Variants in GPRC5A observed in about 807,000 individuals in gnomAD.
GPRC5A encodes the protein retinoic acid-induced protein 3.
A neutral mutation model predicts 22.5 loss-of-function variants in GPRC5A; 19 were observed. The ratio of observed to expected loss-of-function variants is 0.85; its 90% CI spans 0.59 to 1.24. The LOEUF is 1.24. Among genes scored for constraint, GPRC5A ranks in the 50% most tolerant of loss-of-function variants. GPRC5A has a pLI of 0.00. For missense variants in GPRC5A, 471 were observed against 451.1 expected, an observed-to-expected ratio of 1.04 and a Z score of -0.40; for synonymous variants, 192 against 184.5, an observed-to-expected ratio of 1.04 and a Z score of -0.33.
intron 1 of GPRC5A, among the ~76,000 whole-genome samples, chr12:12,900,911 A>AC (rs1863879121): frequency 8.2e-6 from 1 of 121,772 alleles, no homozygotes; most frequent in African/African-American, 4.0e-5. Flanking sequence ...AAAAAAAAAA[A>AC]AACAAAAAAA....
Position 12,913,488 on chromosome 12 carries a change from C to G in GPRC5A, c.*949C>G, listed in dbSNP as rs1166355340. The G allele has an allele frequency of 6.6e-6, 1 of 152,248 alleles. No homozygotes were observed. Among genetic ancestry groups the G allele is most frequent in the Admixed American group, 6.5e-5 (1 of 15,282 alleles). The allele number at this position is 152,248 out of a possible 1,614,324, so 9.4% of individuals were successfully genotyped here. A position where few individuals can be genotyped will look rare whatever the true frequency, so the allele number is the denominator to read the frequency against. The stretch of plus-strand genomic sequence containing the variant: ...TCACTTCAAATTCCTGGGGCTGATA[C>G]TTCTCTCATCTTGCACCCCAACCTC... On this transcript the variant is annotated 3_prime_UTR_variant, in exon 4 of 4. Coordinates refer to ENST00000014914, the MANE Select transcript of GPRC5A (RefSeq NM_003979.4).
rs1023265198 is a variant in GPRC5A at position 12,912,765 on chromosome 12, T to G, written c.*226T>G. 2.0e-6 allele frequency: 1 copy of G among 494,268 alleles called. No individual in the cohort carries two copies. Among genetic ancestry groups the G allele is most frequent in the South Asian group, 3.6e-5 (1 of 28,076 alleles). 30.6% of individuals were successfully genotyped at this position (494,268 alleles called of 1,614,324 possible). A position where few individuals can be genotyped will look rare whatever the true frequency, so the allele number is the denominator to read the frequency against. ...GTAGTATTTTTTTTTTTTTGTCTCA[T>G]CCTTTGGATACTTCTTTTAAGTGGG... On this transcript the variant is annotated 3_prime_UTR_variant, in exon 4 of 4. Transcript: ENST00000014914.
chr12:12,892,620 G>A lies in GPRC5A; in HGVS notation c.-8+956G>A, dbSNP rs192890618. 5.4e-3 allele frequency among the ~76,000 whole-genome samples: 824 copies of A among 152,270 alleles called. 4 individuals are homozygous for A. Among genetic ancestry groups the A allele is most frequent in the Admixed American group, 0.012 (178 of 15,292 alleles). Reference sequence around the variant, plus strand: ...GACCTAAGGTGATCTGCCCGCCTCAGCCTCCCAAAGTGCTGGGATTACAGG... The same window carrying A: ...GACCTAAGGTGATCTGCCCGCCTCAACCTCCCAAAGTGCTGGGATTACAGG... On this transcript the variant is annotated intron_variant, in intron 1 of 3. Transcript: ENST00000014914.
intron 1 of GPRC5A, among the ~76,000 whole-genome samples, chr12:12,895,631 A>G (rs80158678): frequency 0.02 from 3,034 of 151,682 alleles, 46 homozygotes; most frequent in Middle Eastern, 0.051. Context: ...TATTACCCTT[A>G]TGTATCAGAA....
rs1007388092 is a variant in GPRC5A, at chr12:12,916,908, C to T, written c.*4369C>T. 1 of 152,244 alleles carries T rather than the reference C, an allele frequency of 6.6e-6. No individual in the cohort carries two copies. The highest frequency in any genetic ancestry group is 1.5e-5 in the Non-Finnish European group (1 of 68,114). 9.4% of individuals were successfully genotyped at this position (152,244 alleles called of 1,614,324 possible). A position where few individuals can be genotyped will look rare whatever the true frequency, so the allele number is the denominator to read the frequency against. On this transcript the variant is annotated 3_prime_UTR_variant, in exon 4 of 4. Transcript: ENST00000014914. ...ATTACTGCTGAGAACTGGACTGTGC[C>T]CAGCTGACCTTTCCCTTCCTTGCCC...
chr12:12,896,763 G>A (rs1032551093), intron 1 of GPRC5A, among the ~76,000 whole-genome samples: 2 of 152,110 alleles, frequency 1.3e-5, no homozygotes, highest in South Asian at 2.1e-4. Context: ...GGTGCCTCAC[G>A]CCACCTTCCT....
chr12:12,915,017 A>AT lies in GPRC5A; in HGVS notation c.*2499dup, dbSNP rs60735966. ...AAATCACAAAATACTCTGGATCGGC[A>AT]TTTTTTTTTTTTTTTTTTTTTGAGA... On this transcript the variant is annotated 3_prime_UTR_variant, in exon 4 of 4. Coordinates refer to ENST00000014914, the MANE Select transcript of GPRC5A (RefSeq NM_003979.4). 0.17 allele frequency: 18,669 copies of AT among 108,410 alleles called. 2,203 individuals carry two copies. Among genetic ancestry groups the AT allele is most frequent in the Middle Eastern group, 0.27 (45 of 166 alleles). 6.7% of individuals were successfully genotyped at this position (108,410 alleles called of 1,614,324 possible).
chr12:12,894,847 C>T (rs1438006008), intron 1 of GPRC5A, among the ~76,000 whole-genome samples: 13 of 129,994 alleles, frequency 1.0e-4, no homozygotes, highest in African/African-American at 2.8e-4. Flanking sequence ...GGTGCGATCA[C>T]GGCTCACTGC....
Sources: allele counts gnomAD v4.1 joint callset (sites outside exome capture counted in the v4.1 genomes callset), GRCh38; gene constraint gnomAD v4.1.1; transcripts MANE v1.5; gene names NCBI Gene and HGNC (gene_info 2026-07-23, HGNC 2026-07-21).